KANK1: variants seen among roughly 807,000 people sequenced by gnomAD.
The protein encoded by KANK1 is KN motif and ankyrin repeat domains 1.
Under a neutral mutation model 106.2 loss-of-function variants are expected in KANK1, and 109 were observed. That is an observed-to-expected ratio of 1.03 (90% CI 0.88 to 1.20). The LOEUF is 1.20. Among genes scored for constraint, KANK1 ranks in the 50% most tolerant of loss-of-function variants. KANK1 has a pLI of 0.00. For synonymous variants in KANK1, 873 were observed against 652.2 expected (o/e 1.34, Z -5.16); for missense variants, 2,399 against 1,710.7 (o/e 1.40, Z -7.10).
intron 1 of KANK1, among the ~76,000 whole-genome samples, chr9:535,296 T>C (rs1288987269): frequency 6.6e-6 from 1 of 152,152 alleles, no homozygotes; most frequent in African/African-American, 2.4e-5. Flanking sequence ...ATCCCCTACA[T>C]TTGCATCTGT....
intron 1 of KANK1, among the ~76,000 whole-genome samples, chr9:666,492 A>T (rs76987374): frequency 0.046 from 7,000 of 152,148 alleles, 432 homozygotes; most frequent in East Asian, 0.22. Context: ...GAATGAAAGT[A>T]GTGAAAGTGC....
chr9:682,545 C>T (rs1817778319), intron 2 of KANK1, among the ~76,000 whole-genome samples: 1 of 152,102 alleles, frequency 6.6e-6, no homozygotes, highest in Non-Finnish European at 1.5e-5. Flanking sequence ...GTATAATATT[C>T]CTTATGGTGT....
intron 1 of KANK1, among the ~76,000 whole-genome samples, chr9:561,048 G>A (rs986595411): frequency 6.6e-6 from 1 of 152,122 alleles, no homozygotes; most frequent in Admixed American, 6.5e-5. Context: ...GGCTACCTCC[G>A]AGGGCTTGTT....
intron 1 of KANK1, among the ~76,000 whole-genome samples, chr9:618,834 A>G (rs902649413): frequency 2.6e-5 from 4 of 152,306 alleles, no homozygotes; most frequent in East Asian, 1.9e-4. Context: ...GCTGACATTT[A>G]ATACCTGTCT....
chr9:706,547 C>T (rs1047467636), intron 2 of KANK1, among the ~76,000 whole-genome samples: 2 of 134,360 alleles, frequency 1.5e-5, no homozygotes, highest in African/African-American at 5.5e-5. Context: ...TTTTTACGTT[C>T]TTTAAATTAT....
intron 1 of KANK1, among the ~76,000 whole-genome samples, chr9:559,113 G>A (rs1042197092): frequency 6.6e-6 from 1 of 152,054 alleles, no homozygotes; most frequent in Non-Finnish European, 1.5e-5. Context: ...TTTTAAATGA[G>A]CCTTTTTGGG....
chr9:521,060 T>G (rs538329289), intron 1 of KANK1, among the ~76,000 whole-genome samples: 5 of 151,962 alleles, frequency 3.3e-5, no homozygotes, highest in African/African-American at 1.2e-4. Context: ...GTATTTTTCT[T>G]TCAAAAATGA....
chr9:627,424 A>G (rs1189797831), intron 1 of KANK1, among the ~76,000 whole-genome samples: 2 of 152,104 alleles, frequency 1.3e-5, no homozygotes, highest in South Asian at 2.1e-4. Context: ...CACTGGAAGC[A>G]TTGTGCCCAG....
At chr9:587,235 CT>C (rs1448818910) in intron 1 of KANK1, among the ~76,000 whole-genome samples, 1 of 152,100 alleles carries the variant, frequency 6.6e-6, no homozygotes, top group African/African-American at 2.4e-5. Context: ...GTTCCCTAGT[CT>C]TTTATGCTCC....
chr9:594,322 A>C (rs144566712), intron 1 of KANK1, among the ~76,000 whole-genome samples: 77 of 152,064 alleles, frequency 5.1e-4, no homozygotes, highest in Non-Finnish European at 9.0e-4. Context: ...CTAGGGGGAA[A>C]AGGCCAACAT....
chr9:619,547 C>G (rs969145647), intron 1 of KANK1, among the ~76,000 whole-genome samples: 1 of 152,072 alleles, frequency 6.6e-6, no homozygotes, highest in East Asian at 1.9e-4. Context: ...TCTTTTGGAA[C>G]CAGTTTTGCT....
intron 2 of KANK1, among the ~76,000 whole-genome samples, chr9:472,469 A>G (rs1229552218): frequency 1.3e-5 from 2 of 152,180 alleles, no homozygotes; most frequent in East Asian, 3.9e-4. Context: ...AGTTGCTGCA[A>G]ATGCTGAAAG....
chr9:727,139 A>G (rs10976097), intron 3 of KANK1, among the ~76,000 whole-genome samples: 11,080 of 152,184 alleles, frequency 0.073, 988 homozygotes, highest in East Asian at 0.21. Flanking sequence ...GTTGTTTCTT[A>G]CAAGCAGACT....
chr9:517,819 C>G (rs1187370217), intron 1 of KANK1, among the ~76,000 whole-genome samples: 1 of 149,982 alleles, frequency 6.7e-6, no homozygotes, highest in African/African-American at 2.5e-5. Flanking sequence ...GCTCACTGGA[C>G]CCTCCGCCTC....
intron 3 of KANK1, chr9:492,116 G>C (rs1029495724): frequency 6.6e-6 from 1 of 152,242 alleles, no homozygotes; most frequent in African/African-American, 2.4e-5. Flanking sequence ...AGGAGGCAAC[G>C]TGGCTGGACA....
intron 7 of KANK1, among the ~76,000 whole-genome samples, 200 bp downstream of exon 7, chr9:735,035 C>T (rs893894353): frequency 1.3e-5 from 2 of 152,302 alleles, no homozygotes; most frequent in Middle Eastern, 3.4e-3. Context: ...GGCCCAACTT[C>T]GGACATCCTT....
chr9:734,570 G>T (rs1833242108), intron 6 of KANK1, 178 bp from the exon 7 acceptor site: 1 of 491,542 alleles, frequency 2.0e-6, no homozygotes, highest in Non-Finnish European at 3.8e-6. Context: ...GGAGGCTGAG[G>T]CAGGAGGATT....
chr9:649,868 G>A (rs1027020635), intron 1 of KANK1, among the ~76,000 whole-genome samples: 5 of 152,154 alleles, frequency 3.3e-5, no homozygotes, highest in African/African-American at 7.2e-5. Flanking sequence ...TGACAGTTGC[G>A]ATGCAGCTTG....
intron 1 of KANK1, among the ~76,000 whole-genome samples, chr9:507,550 C>A (rs764601677): frequency 6.7e-6 from 1 of 149,190 alleles, no homozygotes; most frequent in African/African-American, 2.5e-5. Context: ...CCACCATGCC[C>A]GGCTAATTTT....
Sources: allele counts gnomAD v4.1 joint callset (sites outside exome capture counted in the v4.1 genomes callset), GRCh38; gene constraint gnomAD v4.1.1; transcripts MANE v1.5; gene names NCBI Gene and HGNC (gene_info 2026-07-23, HGNC 2026-07-21).